Variants in TRMT9B observed in about 807,000 individuals in gnomAD.
TRMT9B encodes tRNA methyltransferase 9B (putative).
Under a neutral mutation model 11.5 loss-of-function variants are expected in TRMT9B, and 16 were observed. The observed-to-expected ratio is 1.39, with a 90% confidence interval of 0.94 to 2.11. The LOEUF is 2.11. Among genes scored for constraint, TRMT9B ranks in the 30% most tolerant of loss-of-function variants. TRMT9B has a pLI of 0.00. For synonymous variants in TRMT9B, 274 were observed against 192.4 expected, an observed-to-expected ratio of 1.42 and a Z score of -3.51; for missense variants, 941 against 553.8, an observed-to-expected ratio of 1.70 and a Z score of -7.02.
intron 4 of TRMT9B, among the ~76,000 whole-genome samples, chr8:13,019,792 G>T (rs67358047): frequency 0.23 from 35,303 of 152,124 alleles, 5,097 homozygotes; most frequent in East Asian, 0.53. Flanking sequence ...GGCCAGGAGG[G>T]TAGAGTGATT....
intron 1 of TRMT9B, among the ~76,000 whole-genome samples, chr8:12,975,607 A>T (rs888297277): frequency 6.6e-6 from 1 of 152,084 alleles, no homozygotes; most frequent in African/African-American, 2.4e-5. Flanking sequence ...GTATGGTGGC[A>T]TGTGTCTGTA....
rs1814254702 is a variant in TRMT9B at position 13,023,383 on chromosome 8, A to G, written c.*1339A>G. 6.0e-6 allele frequency: 1 copy of G among 167,106 alleles called. No homozygotes were observed. Among genetic ancestry groups the G allele is most frequent in the African/African-American group, 2.4e-5 (1 of 41,472 alleles). 10.4% of individuals were successfully genotyped at this position (167,106 alleles called of 1,614,324 possible). A position where few individuals can be genotyped will look rare whatever the true frequency, so the allele number is the denominator to read the frequency against. On this transcript the variant is annotated 3_prime_UTR_variant, in exon 5 of 5. Coordinates refer to ENST00000524591, the MANE Select transcript of TRMT9B (RefSeq NM_020844.3). ...AAAATAGTATCTGGGCATTTATTTT[A>G]TTGAAGGTGACTACATTTTATTAGT...
At position 12,990,901 on chromosome 8, in the gene TRMT9B, A is replaced by G. The variant is rs1807220942; in HGVS notation, c.-132A>G. 1 of 1,289,326 alleles carries G rather than the reference A, an allele frequency of 7.8e-7. No individual in the cohort carries two copies. The allele number at this position is 1,289,326 out of a possible 1,614,324, so 79.9% of individuals were successfully genotyped here. On this transcript the variant is annotated 5_prime_UTR_variant, in exon 2 of 5. Coordinates refer to ENST00000524591, the MANE Select transcript of TRMT9B (RefSeq NM_020844.3). The stretch of plus-strand genomic sequence containing the variant: ...GAGAAGGACCGCACTATTTCATTTC[A>G]CTCCTACAAGTTTTCATTTACGTTA...
intron 1 of TRMT9B, among the ~76,000 whole-genome samples, chr8:12,950,446 T>C (rs1271996938): frequency 2.0e-5 from 3 of 152,196 alleles, no homozygotes; most frequent in Non-Finnish European, 2.9e-5. Flanking sequence ...CATATTGTAG[T>C]TGTAGCTCCA....
intron 3 of TRMT9B, chr8:13,010,392 A>G (rs1252877003): frequency 4.1e-6 from 4 of 981,950 alleles, no homozygotes; most frequent in Non-Finnish European, 4.8e-6. Flanking sequence ...GAAAAGACAG[A>G]TGGTAATATG....
At chr8:12,964,963 A>G (rs1054132705) in intron 1 of TRMT9B, among the ~76,000 whole-genome samples, 2 of 152,138 alleles carry the variant, frequency 1.3e-5, no homozygotes, top group African/African-American at 4.8e-5. Context: ...ATGGAATATG[A>G]AAACCGAAAA....
chr8:13,001,918 G>C (rs1809520921), intron 2 of TRMT9B, among the ~76,000 whole-genome samples: 1 of 152,114 alleles, frequency 6.6e-6, no homozygotes, highest in South Asian at 2.1e-4. Context: ...TCTTGTTTTA[G>C]TACTAGTCTT....
chr8:12,963,242 C>G (rs535355767), intron 1 of TRMT9B, among the ~76,000 whole-genome samples: 1 of 152,122 alleles, frequency 6.6e-6, no homozygotes, highest in African/African-American at 2.4e-5. Flanking sequence ...GACCAGCTGG[C>G]CAATATAGTG....
chr8:13,006,730 GCA>G, intron 3 of TRMT9B: 1 of 1,030,050 alleles, frequency 9.7e-7, no homozygotes, highest in Non-Finnish European at 1.2e-6. Flanking sequence ...GTGCAGTGGT[GCA>G]ATCTCAGCTT....
At position 13,029,770 on chromosome 8, in the gene TRMT9B, A is replaced by G. The variant is rs568089031; in HGVS notation, c.*7726A>G. On this transcript the variant is annotated 3_prime_UTR_variant, in exon 5 of 5. Transcript: ENST00000524591. Reference sequence around the variant, plus strand: ...GAGATTAATAAAGATGTATTAGATTATCCAAAAGTGGATGTGTGCAAATGT... The same window carrying G: ...GAGATTAATAAAGATGTATTAGATTGTCCAAAAGTGGATGTGTGCAAATGT... 2 of 152,554 alleles carry G rather than the reference A, an allele frequency of 1.3e-5. No homozygotes were observed. Among genetic ancestry groups the G allele is most frequent in the African/African-American group, 4.8e-5 (2 of 41,596 alleles). The allele number at this position is 152,554 out of a possible 1,614,324, so 9.5% of individuals were successfully genotyped here.
intron 1 of TRMT9B, among the ~76,000 whole-genome samples, chr8:12,968,711 A>G (rs1803166225): frequency 1.3e-5 from 2 of 152,140 alleles, no homozygotes; most frequent in African/African-American, 2.4e-5. Flanking sequence ...CCCCTCCCTG[A>G]GTCGCGAGAG....
chr8:13,013,811 A>C (rs756516341), intron 4 of TRMT9B, among the ~76,000 whole-genome samples: 2 of 152,086 alleles, frequency 1.3e-5, no homozygotes, highest in Non-Finnish European at 1.5e-5. Context: ...TTAGCCGGGC[A>C]TGGTACAAGC....
At chr8:12,947,615 G>T (rs1380613216) in intron 1 of TRMT9B, among the ~76,000 whole-genome samples, 1 of 152,206 alleles carries the variant, frequency 6.6e-6, no homozygotes. Context: ...ATGCAAATAT[G>T]TGCATTGAGT....
intron 1 of TRMT9B, among the ~76,000 whole-genome samples, chr8:12,947,414 G>T (rs1006450264): frequency 6.6e-6 from 1 of 152,204 alleles, no homozygotes; most frequent in African/African-American, 2.4e-5. Flanking sequence ...GGAGAAAAGT[G>T]GGTAAAAATA....
intron 2 of TRMT9B, among the ~76,000 whole-genome samples, chr8:13,004,821 G>A (rs1237733487): frequency 6.6e-6 from 1 of 152,048 alleles, no homozygotes; most frequent in Admixed American, 6.6e-5. Flanking sequence ...TGCACATTAG[G>A]TACCAGCTCG....
In TRMT9B at chr8:13,024,037, A is replaced by ATTTT. The variant is rs1814353529; in HGVS notation, c.*1996_*1997insTTTT. 8 of 75,118 alleles carry ATTTT rather than the reference A, an allele frequency of 1.1e-4. No individual in the cohort carries two copies. The highest frequency in any genetic ancestry group is 2.4e-4 in the African/African-American group (5 of 20,414). The allele number at this position is 75,118 out of a possible 1,614,324, so 4.7% of individuals were successfully genotyped here. ...ATTAAAAATTAATTTGGTTTCTTCT[A>ATTTT]TTTCTTTTTTTTTTTTTTTTTTTTG... On this transcript the variant is annotated 3_prime_UTR_variant, in exon 5 of 5. Transcript: ENST00000524591.
chr8:13,008,604 C>G (rs1335239714), intron 3 of TRMT9B, among the ~76,000 whole-genome samples: 1 of 152,178 alleles, frequency 6.6e-6, no homozygotes, highest in Non-Finnish European at 1.5e-5. Flanking sequence ...TGACAGATAA[C>G]TTTGACCCTA....
intron 4 of TRMT9B, among the ~76,000 whole-genome samples, chr8:13,019,062 A>G (rs1185665306): frequency 6.6e-6 from 1 of 152,190 alleles, no homozygotes; most frequent in Non-Finnish European, 1.5e-5. Flanking sequence ...TGCATTCGTC[A>G]GTGAATGACC....
Position 12,957,503 on chromosome 8 carries a change from C to G in TRMT9B, c.-200+11537C>G, listed in dbSNP as rs143921427. 6.9e-3 allele frequency among the ~76,000 whole-genome samples: 1,049 copies of G among 152,122 alleles called. 10 individuals are homozygous for G. The highest frequency in any genetic ancestry group is 0.011 in the Non-Finnish European group (778 of 67,990). Reference sequence around the variant, plus strand: ...TACAGGTACATTCTCAATGTTAAGACATTTGCATACAAAGATGGTAATTCA... The same window carrying G: ...TACAGGTACATTCTCAATGTTAAGAGATTTGCATACAAAGATGGTAATTCA... On this transcript the variant is annotated intron_variant, in intron 1 of 4. Transcript: ENST00000524591.
Sources: gnomAD v4.1 joint callset for allele counts (sites outside exome capture counted in the v4.1 genomes callset) on GRCh38, gnomAD v4.1.1 for gene constraint, MANE v1.5 for transcripts, NCBI Gene and HGNC (gene_info 2026-07-23, HGNC 2026-07-21) for gene names.